The following CNTNAP2 variants were observed in gnomAD, a reference collection of about 807,000 sequenced individuals.
CNTNAP2 encodes the protein contactin associated protein 2.
Under a neutral mutation model 155.2 loss-of-function variants are expected in CNTNAP2, and 98 were observed. The ratio of observed to expected loss-of-function variants is 0.63; its 90% CI spans 0.54 to 0.75. CNTNAP2 has a LOEUF of 0.75. Among genes scored for constraint, CNTNAP2 ranks in the 30% least tolerant of loss-of-function variants. The pLI is 0.00. For missense variants in CNTNAP2, 1,727 were observed against 1,688.1 expected (o/e 1.02, Z -0.40); for synonymous variants, 651 against 631.2 (o/e 1.03, Z -0.47).
intron 3 of CNTNAP2, among the ~76,000 whole-genome samples, chr7:146,910,254 C>T (rs1446629352): frequency 6.7e-6 from 1 of 148,212 alleles, no homozygotes; most frequent in Non-Finnish European, 1.5e-5. Flanking sequence ...GATTCAATGC[C>T]ATCCCCATCA....
intron 13 of CNTNAP2, among the ~76,000 whole-genome samples, chr7:147,809,393 G>A (rs116425895): frequency 6.8e-4 from 104 of 152,248 alleles, no homozygotes; most frequent in African/African-American, 2.4e-3. Context: ...CAATAATAGT[G>A]AAAGGTGCAT....
At chr7:147,428,791 T>C (rs189861006) in intron 10 of CNTNAP2, among the ~76,000 whole-genome samples, 1 of 152,280 alleles carries the variant, frequency 6.6e-6, no homozygotes, top group African/African-American at 2.4e-5. Flanking sequence ...TGTTGTTTTA[T>C]TTCAGTAGTT....
At chr7:147,114,874 C>A (rs1800954309) in intron 5 of CNTNAP2, among the ~76,000 whole-genome samples, 1 of 152,094 alleles carries the variant, frequency 6.6e-6, no homozygotes, top group Non-Finnish European at 1.5e-5. Context: ...GGTTAGTTTG[C>A]AGGCTTGTTT....
At chr7:147,509,765 A>G (rs2116686687) in intron 11 of CNTNAP2, among the ~76,000 whole-genome samples, 1 of 152,092 alleles carries the variant, frequency 6.6e-6, no homozygotes, top group East Asian at 1.9e-4. Flanking sequence ...TTTGATATAA[A>G]GTTTAATCCT....
At chr7:146,757,451 A>G (rs1478121038) in intron 1 of CNTNAP2, among the ~76,000 whole-genome samples, 2 of 152,154 alleles carry the variant, frequency 1.3e-5, no homozygotes, top group Non-Finnish European at 2.9e-5. Context: ...TTAAGTAAGC[A>G]CTTTTTTGAT....
At chr7:147,936,304 T>TTA (rs1554451874) in intron 14 of CNTNAP2, among the ~76,000 whole-genome samples, 4 of 150,860 alleles carry the variant, frequency 2.7e-5, no homozygotes, top group Non-Finnish European at 5.9e-5. Context: ...TATTTTATTT[T>TTA]TTTTTTTTTG....
In CNTNAP2 at chr7:147,013,563, C is replaced by T. The variant is rs145744736; in HGVS notation, c.403-30344C>T. 5.4e-3 allele frequency among the ~76,000 whole-genome samples: 821 copies of T among 152,084 alleles called. 6 individuals carry two copies. The highest frequency in any genetic ancestry group is 8.0e-3 in the Non-Finnish European group (547 of 67,964). The stretch of plus-strand genomic sequence containing the variant: ...TCTTCCTCCTCATTGCCTTTTCTTC[C>T]TGAAGATGATCCTGTCTTCAGGATC... On this transcript the variant is annotated intron_variant, in intron 3 of 23. Coordinates refer to ENST00000361727, the MANE Select transcript of CNTNAP2 (RefSeq NM_014141.6).
chr7:146,302,097 C>T (rs929715227), intron 1 of CNTNAP2, among the ~76,000 whole-genome samples: 1 of 152,030 alleles, frequency 6.6e-6, no homozygotes. Context: ...TTTTAGTGTA[C>T]AGCAAAAATA....
intron 1 of CNTNAP2, among the ~76,000 whole-genome samples, chr7:146,671,425 T>TCACACA (rs1554465666): frequency 7.5e-5 from 5 of 67,096 alleles, no homozygotes; most frequent in African/African-American, 1.6e-4. Context: ...TCTTTTTTTG[T>TCACACA]CACTCACACA....
intron 2 of CNTNAP2, among the ~76,000 whole-genome samples, chr7:146,783,043 G>T (rs935649283): frequency 2.6e-5 from 4 of 151,870 alleles, no homozygotes; most frequent in Non-Finnish European, 5.9e-5. Flanking sequence ...GTATTTTTGG[G>T]GTGTTAAGAC....
In CNTNAP2 at chr7:147,737,776, C is replaced by G. The variant is rs555797297; in HGVS notation, c.2098+98470C>G. On this transcript the variant is annotated intron_variant, in intron 13 of 23. Coordinates refer to ENST00000361727, the MANE Select transcript of CNTNAP2 (RefSeq NM_014141.6). ...GCGGTTTGATCTCAGACACGCTGTG[C>G]TAGCAATGAGCGAGGCTCTGTGGGC... is the stretch of plus-strand genomic sequence containing the variant. 2.9e-4 allele frequency among the ~76,000 whole-genome samples: 44 copies of G among 152,344 alleles called. 1 individual carries two copies. In the South Asian group the frequency reaches 8.3e-3, roughly 29 times the overall value.
Position 147,476,928 on chromosome 7 carries a change from TTAAA to T in CNTNAP2, c.1671-9006_1671-9003del, listed in dbSNP as rs1209669797. Reference sequence around the variant, plus strand: ...GGGTGACAGAGCGAGACTCTGTCATTTAAAAAAAAAAAAAAAAAAAAGATACAGC... The same window carrying T: ...GGGTGACAGAGCGAGACTCTGTCATTAAAAAAAAAAAAAAAAAGATACAGC... On this transcript the variant is annotated intron_variant, in intron 10 of 23. Transcript: ENST00000361727. Among the ~76,000 whole-genome samples the T allele has an allele frequency of 4.4e-3, 609 of 137,726 alleles. 18 individuals are homozygous for T. Among genetic ancestry groups the T allele is most frequent in the East Asian group, 0.04 (186 of 4,668 alleles). 90.4% of individuals were successfully genotyped at this position (137,726 alleles called of 152,430 possible). A position where few individuals can be genotyped will look rare whatever the true frequency, so the allele number is the denominator to read the frequency against.
chr7:147,615,096 A>AC (rs1419131966), intron 12 of CNTNAP2, among the ~76,000 whole-genome samples: 3 of 148,102 alleles, frequency 2.0e-5, no homozygotes, highest in African/African-American at 7.4e-5. Context: ...TTTATCAAAA[A>AC]AAAAAAAAAG....
At chr7:147,618,465 A>G (rs1225437750) in intron 12 of CNTNAP2, among the ~76,000 whole-genome samples, 2 of 152,158 alleles carry the variant, frequency 1.3e-5, no homozygotes, top group Non-Finnish European at 2.9e-5. Flanking sequence ...AACTGGTACG[A>G]TGACATGGTT....
intron 3 of CNTNAP2, among the ~76,000 whole-genome samples, chr7:147,040,173 A>T (rs1394950235): frequency 6.6e-6 from 1 of 152,194 alleles, no homozygotes; most frequent in Non-Finnish European, 1.5e-5. Context: ...AAAGTGGCCA[A>T]CAAGCCTATG....
At position 148,201,859 on chromosome 7, in the gene CNTNAP2, TTCAC is replaced by T. The variant is rs368008696; in HGVS notation, c.3011-15428_3011-15425del. ...AGAAAGAAGTGATTACTTTAAAACT[TTCAC>T]ACACTATGGAACAAAAGAAATGGCA... On this transcript the variant is annotated intron_variant, in intron 18 of 23. Transcript: ENST00000361727. 1.0e-3 allele frequency among the ~76,000 whole-genome samples: 158 copies of T among 152,136 alleles called. 1 individual carries two copies. The highest frequency in any genetic ancestry group is 3.6e-3 in the African/African-American group (151 of 41,510).
rs570361899 is a variant in CNTNAP2 at position 147,343,071 on chromosome 7, A to G, written c.1498+42781A>G. ...TACTCTTAAGCAGATTAGGCAATCA[A>G]TACATGTTTGTTGAATTGCACTGAA... On this transcript the variant is annotated intron_variant, in intron 9 of 23. Transcript: ENST00000361727. Among the ~76,000 whole-genome samples the G allele has an allele frequency of 5.9e-5, 9 of 152,258 alleles. No homozygotes were observed. In the South Asian group the frequency reaches 1.9e-3, roughly 32 times the overall value.
chr7:146,914,910 G>A (rs761824875), intron 3 of CNTNAP2, among the ~76,000 whole-genome samples: 4 of 151,736 alleles, frequency 2.6e-5, no homozygotes, highest in Non-Finnish European at 5.9e-5. Context: ...GGTCTAGAAG[G>A]GTTTTCCCAA....
intron 21 of CNTNAP2, among the ~76,000 whole-genome samples, chr7:148,354,069 A>C (rs1798471814): frequency 6.6e-6 from 1 of 152,206 alleles, no homozygotes; most frequent in Non-Finnish European, 1.5e-5. Flanking sequence ...TGCACACCTC[A>C]GAACAGCAAG....
Sources: allele counts gnomAD v4.1 joint callset (sites outside exome capture counted in the v4.1 genomes callset), GRCh38; gene constraint gnomAD v4.1.1; transcripts MANE v1.5; gene names NCBI Gene and HGNC (gene_info 2026-07-23, HGNC 2026-07-21).